Variants in KMT2E observed in about 807,000 individuals in gnomAD.
The protein encoded by KMT2E is histone reader KMT2E.
In KMT2E, 30 loss-of-function variants were observed where a neutral mutation model predicts 184.6. The ratio of observed to expected loss-of-function variants is 0.16; its 90% CI spans 0.12 to 0.22. KMT2E has a LOEUF of 0.22. KMT2E is among the 10% of genes least tolerant of loss of function. KMT2E has a pLI of 1.00. For missense variants in KMT2E, 2,023 were observed against 2,237.4 expected, an observed-to-expected ratio of 0.90 and a Z score of 1.93; for synonymous variants, 815 against 776.5, an observed-to-expected ratio of 1.05 and a Z score of -0.82.
chr7:105,107,335 TA>T, intron 21 of KMT2E, 26 bp from the exon 22 acceptor site: 1 of 1,530,992 alleles, frequency 6.5e-7, no homozygotes, highest in Non-Finnish European at 8.8e-7. Flanking sequence ...ATTATTTGTG[TA>T]ATTTTTTTTT....
At chr7:105,093,320 A>C (rs1798283665) in intron 15 of KMT2E, among the ~76,000 whole-genome samples, 1 of 152,220 alleles carries the variant, frequency 6.6e-6, no homozygotes, top group African/African-American at 2.4e-5. Context: ...CTTTAAATAT[A>C]TATTCTTCTG....
intron 15 of KMT2E, among the ~76,000 whole-genome samples, chr7:105,094,744 G>A (rs973198245): frequency 5.3e-5 from 8 of 152,100 alleles, no homozygotes; most frequent in Admixed American, 4.6e-4. Flanking sequence ...ACCCACTGAG[G>A]TTCACAATAT....
In KMT2E at chr7:105,076,945, C is replaced by T; in HGVS notation, c.769-18C>T. 2 of 1,557,176 alleles carry T rather than the reference C, an allele frequency of 1.3e-6. No individual in the cohort carries two copies. The highest frequency in any genetic ancestry group is 8.8e-7 in the Non-Finnish European group (1 of 1,131,188). On this transcript the variant is annotated intron_variant, in intron 9 of 26. Transcript: ENST00000311117. ...AAGTCCGTAAGTCCAGATACTAAAG[C>T]TCAGTTTATGATTTTAGGGTTCAGC...
At chr7:105,034,572 T>G (rs1020480995) in intron 1 of KMT2E, among the ~76,000 whole-genome samples, 1 of 152,076 alleles carries the variant, frequency 6.6e-6, no homozygotes, top group Non-Finnish European at 1.5e-5. Context: ...TCTCCTTTTA[T>G]TCAGGCTTCC....
chr7:105,040,197 A>G (rs1394076028), intron 2 of KMT2E, among the ~76,000 whole-genome samples: 2 of 152,210 alleles, frequency 1.3e-5, no homozygotes, highest in Admixed American at 1.3e-4. Context: ...AGATGCAAAC[A>G]GTAGAGTAGA....
At chr7:105,049,790 C>T (rs2129565945) in intron 3 of KMT2E, among the ~76,000 whole-genome samples, 1 of 152,122 alleles carries the variant, frequency 6.6e-6, no homozygotes, top group South Asian at 2.1e-4. Flanking sequence ...TACTCGGAGG[C>T]ACACGCAGGA....
intron 1 of KMT2E, among the ~76,000 whole-genome samples, chr7:105,014,862 C>T (rs1220612997): frequency 6.6e-6 from 1 of 152,108 alleles, no homozygotes; most frequent in East Asian, 1.9e-4. Flanking sequence ...AAGACGGAGG[C>T]TTGTGACTGT....
chr7:105,033,269 T>G (rs1360695729), intron 1 of KMT2E, among the ~76,000 whole-genome samples: 1 of 152,254 alleles, frequency 6.6e-6, no homozygotes, highest in Non-Finnish European at 1.5e-5. Context: ...TTGCTACCAA[T>G]GCTTAAAAAG....
At chr7:105,083,594 T>C (rs1012406192) in intron 13 of KMT2E, among the ~76,000 whole-genome samples, 1 of 152,200 alleles carries the variant, frequency 6.6e-6, no homozygotes, top group Non-Finnish European at 1.5e-5. Context: ...GCTTTATAGA[T>C]AAGGGCAGTC....
chr7:105,061,842 C>G (rs1249956412), intron 3 of KMT2E: 2 of 193,716 alleles, frequency 1.0e-5, no homozygotes, highest in Non-Finnish European at 2.1e-5. Flanking sequence ...ATTTCTACTA[C>G]TTCTTTGCAC....
intron 1 of KMT2E, among the ~76,000 whole-genome samples, chr7:105,024,443 G>A (rs1435437607): frequency 3.9e-5 from 6 of 152,182 alleles, no homozygotes; most frequent in Non-Finnish European, 5.9e-5. Flanking sequence ...GTGTAAAGGA[G>A]TACCTTAATT....
chr7:105,102,086 T>C lies in KMT2E; in HGVS notation c.2088T>C (p.Thr696=). 1 of 1,613,394 alleles carries C rather than the reference T, an allele frequency of 6.2e-7. No homozygotes were observed. The highest frequency in any genetic ancestry group is 2.2e-5 in the East Asian group (1 of 44,864). Reference sequence around the variant, plus strand: ...CACAACAAAATGATATTGAAAATACTGTACTTACAATAGAACCAGAAACTG... The same window carrying C: ...CACAACAAAATGATATTGAAAATACCGTACTTACAATAGAACCAGAAACTG... ...VTSQQNDIEN[T]VLTIEPETET... Residue 696 remains threonine (T), a synonymous_variant, in exon 17 of 27, where the codon ACT becomes ACC. Coordinates refer to ENST00000311117, the MANE Select transcript of KMT2E (RefSeq NM_182931.3).
chr7:105,054,221 A>G (rs967786821), intron 3 of KMT2E, among the ~76,000 whole-genome samples: 3 of 151,636 alleles, frequency 2.0e-5, no homozygotes, highest in African/African-American at 7.3e-5. Context: ...GGCTGCAGAG[A>G]ATTAAGAATT....
chr7:105,052,641 T>C (rs1285425715), intron 3 of KMT2E, among the ~76,000 whole-genome samples: 1 of 152,038 alleles, frequency 6.6e-6, no homozygotes, highest in African/African-American at 2.4e-5. Context: ...TCACTGCAAC[T>C]TCTGCATCCT....
In KMT2E at chr7:105,113,331, T is replaced by C; in HGVS notation, c.5575T>C (p.Ter1859GlnextTer14). The change falls in exon 27 of 27, where the codon TAA (stop) becomes CAA (glutamine). Residue 1859 changes from the stop codon to glutamine, a stop_lost. Transcript: ENST00000311117. ...QNNYHGSGWH[*>Q] Reference sequence around the variant, plus strand: ...CAATTACCATGGGTCAGGGTGGCATTAAAATGGACTCCAAAAACATTTTTT... The same window carrying C: ...CAATTACCATGGGTCAGGGTGGCATCAAAATGGACTCCAAAAACATTTTTT... The C allele has an allele frequency of 6.3e-7, 1 of 1,598,480 alleles. No individual in the cohort carries two copies. The highest frequency in any genetic ancestry group is 8.6e-7 in the Non-Finnish European group (1 of 1,168,866).
At chr7:105,055,218 T>G (rs1796529571) in intron 3 of KMT2E, among the ~76,000 whole-genome samples, 2 of 131,208 alleles carry the variant, frequency 1.5e-5, no homozygotes, top group African/African-American at 5.9e-5. Context: ...TCTTTTTAGG[T>G]TTTTTTTTTT....
chr7:105,105,334 A>G (rs2129569754), intron 17 of KMT2E, 105 bp from the exon 18 acceptor site: 1 of 795,566 alleles, frequency 1.3e-6, no homozygotes, highest in South Asian at 2.1e-5. Flanking sequence ...AAATTACCCA[A>G]TTTATCATTT....
At position 105,084,710 on chromosome 7, in the gene KMT2E, A is replaced by T. The variant is rs1218618545; in HGVS notation, c.1358+2913A>T. On this transcript the variant is annotated intron_variant, in intron 13 of 26. Transcript: ENST00000311117. ...ACAAGAGATCACTTTTTATTGCCAT[A>T]CACAATTTACTGAGAGATGAACTGC... Among the ~76,000 whole-genome samples, 3 of 152,110 alleles carry T rather than the reference A, an allele frequency of 2.0e-5. No homozygotes were observed. In the East Asian group the frequency reaches 5.8e-4, roughly 29 times the overall value.
intron 3 of KMT2E, among the ~76,000 whole-genome samples, chr7:105,041,296 G>A (rs1307431418): frequency 6.6e-6 from 1 of 152,088 alleles, no homozygotes; most frequent in Non-Finnish European, 1.5e-5. Context: ...TCTGAGAAGC[G>A]ATACATTTTT....
Sources: gnomAD v4.1 joint callset for allele counts (sites outside exome capture counted in the v4.1 genomes callset) on GRCh38, gnomAD v4.1.1 for gene constraint, MANE v1.5 for transcripts, NCBI Gene and HGNC (gene_info 2026-07-23, HGNC 2026-07-21) for gene names.